Variants in AXIN1 observed in about 807,000 individuals in gnomAD.
AXIN1 encodes axin-1.
In AXIN1, 30 loss-of-function variants were observed where a neutral mutation model predicts 76.4. That is an observed-to-expected ratio of 0.39 (90% CI 0.29 to 0.53). The LOEUF (loss-of-function observed/expected upper bound fraction) is 0.53. Ranked by LOEUF, AXIN1 falls within the 20% of genes least tolerant of loss-of-function variation. The probability of loss-of-function intolerance (pLI) is 0.66; values close to 1 mark genes in which losing one functional copy is unlikely to be tolerated. For missense variants in AXIN1, 1,140 were observed against 1,198.8 expected (o/e 0.95, Z 0.72); for synonymous variants, 545 against 501.4 (o/e 1.09, Z -1.16).
At position 288,233 on chromosome 16, in the gene AXIN1, T is replaced by C. The variant is rs1218100364; in HGVS notation, c.2478A>G (p.Lys826=). 5 of 1,613,614 alleles carry C rather than the reference T, an allele frequency of 3.1e-6. No individual in the cohort carries two copies. The South Asian group carries it at 4.4e-5, about 14-fold the overall frequency. Residue 826 remains lysine, a synonymous_variant, in exon 11 of 11, where the codon AAA becomes AAG. Transcript: ENST00000262320. ...KKGSYRYYFK[K]VSDEFDCGVV... ...CCCCACAGTCAAACTCGTCGCTCAC[T>C]TTCTTGAAGTAGTATCTGCAGGACG...
rs9935878 is a variant in AXIN1 at position 291,385 on chromosome 16, G to A, written c.2187-88C>T. On this transcript the variant is annotated intron_variant, in intron 8 of 10. Coordinates refer to ENST00000262320, the MANE Select transcript of AXIN1 (RefSeq NM_003502.4). ...TCGACCAATGCTGCTGCGCAGGGACGGACGGAGCGTGAAGGGCCCGAACAA... is the reference window on the plus strand; with the variant it reads ...TCGACCAATGCTGCTGCGCAGGGACAGACGGAGCGTGAAGGGCCCGAACAA... 6.4e-3 allele frequency: 7,585 copies of A among 1,176,112 alleles called. 358 individuals are homozygous for A. The African/African-American group carries it at 0.099, about 15-fold the overall frequency. 72.9% of individuals were successfully genotyped at this position (1,176,112 alleles called of 1,614,324 possible). A position where few individuals can be genotyped will look rare whatever the true frequency, so the allele number is the denominator to read the frequency against.
Position 297,209 on chromosome 16 carries a change from G to C in AXIN1, c.1802C>G (p.Ala601Gly), listed in dbSNP as rs373454022. 6.2e-7 allele frequency: 1 copy of C among 1,607,176 alleles called. No homozygotes were observed. Among genetic ancestry groups the C allele is most frequent in the Non-Finnish European group, 8.5e-7 (1 of 1,179,910 alleles). ...GLAHSGKVGV[A>G]CKRNAKKAES... ...AGCCTTCTTGGCATTTCTTTTGCACGCCACGCCCACCTTCCCACTGCAAGG... is the reference window on the plus strand; with the variant it reads ...AGCCTTCTTGGCATTTCTTTTGCACCCCACGCCCACCTTCCCACTGCAAGG... The change falls in exon 7 of 11, where the codon GCG (alanine) becomes GGG (glycine). Residue 601 changes from alanine to glycine, a missense_variant. Ala to Gly is a moderately conservative substitution (Grantham distance 60, BLOSUM62 0). Transcript: ENST00000262320.
chr16:287,467 T>C lies in AXIN1; in HGVS notation c.*655A>G. ...AGGTTCAAAAACAGTTTTATTTCATTATTATCCAAGTACCTTTGAAAAGAT... is the reference window on the plus strand; with the variant it reads ...AGGTTCAAAAACAGTTTTATTTCATCATTATCCAAGTACCTTTGAAAAGAT... On this transcript the variant is annotated 3_prime_UTR_variant, in exon 11 of 11. Coordinates refer to ENST00000262320, the MANE Select transcript of AXIN1 (RefSeq NM_003502.4). 1 of 412,308 alleles carries C rather than the reference T, an allele frequency of 2.4e-6. No individual in the cohort carries two copies. Among genetic ancestry groups the C allele is most frequent in the Non-Finnish European group, 4.3e-6 (1 of 230,504 alleles). 25.5% of individuals were successfully genotyped at this position (412,308 alleles called of 1,614,324 possible). A position where few individuals can be genotyped will look rare whatever the true frequency, so the allele number is the denominator to read the frequency against.
chr16:290,835 G>A (rs1000089748), intron 9 of AXIN1: 1 of 403,994 alleles, frequency 2.5e-6, no homozygotes, highest in East Asian at 5.4e-5. Flanking sequence ...GTCAAGTCAG[G>A]CCTGGCAGGG....
intron 2 of AXIN1, among the ~76,000 whole-genome samples, chr16:318,524 C>T (rs1339052864): frequency 1.3e-5 from 2 of 152,196 alleles, no homozygotes; most frequent in Admixed American, 6.5e-5. Context: ...CACAGGCGGC[C>T]GGGCTTGGCC....
chr16:323,673 C>G (rs1010821587), intron 2 of AXIN1, among the ~76,000 whole-genome samples: 1 of 151,460 alleles, frequency 6.6e-6, no homozygotes, highest in South Asian at 2.1e-4. Flanking sequence ...CCCAGCTACT[C>G]GGGAGTCTGA....
rs1399178613 is a variant in AXIN1, at chr16:287,467, T to TATTA, written c.*651_*654dup. ...AGGTTCAAAAACAGTTTTATTTCAT[T>TATTA]ATTATCCAAGTACCTTTGAAAAGAT... On this transcript the variant is annotated 3_prime_UTR_variant, in exon 11 of 11. Transcript: ENST00000262320. 5 of 412,194 alleles carry TATTA rather than the reference T, an allele frequency of 1.2e-5. No homozygotes were observed. Among genetic ancestry groups the TATTA allele is most frequent in the African/African-American group, 4.1e-5 (2 of 48,796 alleles). 25.5% of individuals were successfully genotyped at this position (412,194 alleles called of 1,614,324 possible). A position where few individuals can be genotyped will look rare whatever the true frequency, so the allele number is the denominator to read the frequency against.
At chr16:309,675 A>G (rs2053123497) in intron 4 of AXIN1, among the ~76,000 whole-genome samples, 1 of 152,184 alleles carries the variant, frequency 6.6e-6, no homozygotes, top group Admixed American at 6.5e-5. Context: ...CTTGAGGGGA[A>G]GCATCCACCT....
rs1358280539 is a variant in AXIN1 at position 347,159 on chromosome 16, C to T, written c.-81-53G>A. ...TTAGGAAAGGTGGGTCCATGAAACA[C>T]GACCAGAGGTTTTCTCAAGACAAGA... is the stretch of plus-strand genomic sequence containing the variant. On this transcript the variant is annotated intron_variant, in intron 1 of 10. Transcript: ENST00000262320. 3.3e-6 allele frequency: 5 copies of T among 1,501,984 alleles called. No homozygotes were observed. The South Asian group carries it at 3.5e-5, about 11-fold the overall frequency. The allele number at this position is 1,501,984 out of a possible 1,614,324, so 93.0% of individuals were successfully genotyped here. A position where few individuals can be genotyped will look rare whatever the true frequency, so the allele number is the denominator to read the frequency against.
chr16:325,648 A>G (rs2053564581), intron 2 of AXIN1, among the ~76,000 whole-genome samples: 1 of 152,246 alleles, frequency 6.6e-6, no homozygotes. Context: ...ACCGCCCCAG[A>G]GTGATGGCTG....
intron 2 of AXIN1, among the ~76,000 whole-genome samples, chr16:340,338 G>A (rs1298240568): frequency 1.3e-5 from 2 of 152,202 alleles, no homozygotes; most frequent in African/African-American, 2.4e-5. Flanking sequence ...GGACTGGCCC[G>A]GGAAGACACA....
At chr16:292,080 C>G (rs2685120) in intron 8 of AXIN1, 54,153 of 152,614 alleles carry the variant, frequency 0.35, 9,861 homozygotes, top group African/African-American at 0.39. Context: ...CAGGGGAAAG[C>G]GCAGACGCAA....
chr16:340,710 G>A (rs534476215), intron 2 of AXIN1, among the ~76,000 whole-genome samples: 45 of 152,342 alleles, frequency 3.0e-4, no homozygotes, highest in African/African-American at 1.0e-3. Context: ...GCAGAGCGGG[G>A]GAGCCAGGGA....
intron 5 of AXIN1, among the ~76,000 whole-genome samples, chr16:303,074 C>T (rs1366550151): frequency 3.9e-5 from 6 of 152,246 alleles, no homozygotes; most frequent in African/African-American, 1.4e-4. Context: ...ATTGCCCAGG[C>T]TGGGCTCAAA....
chr16:341,539 C>A (rs553564229), intron 2 of AXIN1, among the ~76,000 whole-genome samples: 2 of 152,230 alleles, frequency 1.3e-5, no homozygotes, highest in Non-Finnish European at 2.9e-5. Flanking sequence ...CATGCCTAAG[C>A]CCCCCACCCC....
intron 9 of AXIN1, chr16:290,890 C>T (rs1161728602): frequency 1.4e-5 from 7 of 492,678 alleles, no homozygotes; most frequent in African/African-American, 1.4e-4. Context: ...AGGTCTCTGC[C>T]CCACAGGAAG....
Position 289,740 on chromosome 16 carries a change from G to A in AXIN1, c.2295-133C>T, listed in dbSNP as rs1384649588. On this transcript the variant is annotated intron_variant, in intron 9 of 10. Transcript: ENST00000262320. ...TGAGCAGCACCCCATTCAAACACCT[G>A]GGGCCCGCAGCCCCCGCACAGCATC... 2.7e-6 allele frequency: 3 copies of A among 1,102,990 alleles called. No individual in the cohort carries two copies. The South Asian group carries it at 4.1e-5, about 15-fold the overall frequency. The allele number at this position is 1,102,990 out of a possible 1,614,324, so 68.3% of individuals were successfully genotyped here. A position where few individuals can be genotyped will look rare whatever the true frequency, so the allele number is the denominator to read the frequency against.
chr16:318,875 C>T (rs1314091504), intron 2 of AXIN1, among the ~76,000 whole-genome samples: 1 of 151,442 alleles, frequency 6.6e-6, no homozygotes, highest in South Asian at 2.1e-4. Context: ...GGCTCTGACC[C>T]CTGGCTGTGC....
At chr16:296,313 G>A (rs1467893889) in intron 7 of AXIN1, among the ~76,000 whole-genome samples, 1 of 152,272 alleles carries the variant, frequency 6.6e-6, no homozygotes, top group Non-Finnish European at 1.5e-5. Flanking sequence ...CCTGGCCAGG[G>A]CCTGGGTGAG....
Sources: allele counts gnomAD v4.1 joint callset (sites outside exome capture counted in the v4.1 genomes callset), GRCh38; gene constraint gnomAD v4.1.1; transcripts MANE v1.5; gene names NCBI Gene and HGNC (gene_info 2026-07-23, HGNC 2026-07-21).